ZNF83: variants seen among roughly 807,000 people sequenced by gnomAD.
ZNF83 encodes the protein zinc finger protein 83, also known as zinc finger protein 816B.
For missense variants in ZNF83, 552 were observed against 629.9 expected (o/e 0.88, Z 1.32); for synonymous variants, 209 against 213.0 (o/e 0.98, Z 0.17).
At chr19:52,617,682 G>A (rs377085974) in intron 2 of ZNF83, 28 of 140,580 alleles carry the variant, frequency 2.0e-4, no homozygotes, top group African/African-American at 6.9e-4. Flanking sequence ...AGTGAACCGA[G>A]ATCGTGTCAC....
chr19:52,629,593 G>A (rs1317963773), intron 2 of ZNF83, among the ~76,000 whole-genome samples: 3 of 152,078 alleles, frequency 2.0e-5, no homozygotes, highest in African/African-American at 7.2e-5. Flanking sequence ...CACCTGCCCA[G>A]CAATTTACTC....
intron 1 of ZNF83, among the ~76,000 whole-genome samples, chr19:52,689,887 C>CG (rs1379858947): frequency 6.6e-6 from 1 of 152,218 alleles, no homozygotes; most frequent in Non-Finnish European, 1.5e-5. Flanking sequence ...GGACAGGCCC[C>CG]GGGCACCTCC....
chr19:52,687,597 ATGTATATATATATAATG>A (rs2062058675), intron 1 of ZNF83, among the ~76,000 whole-genome samples: 1 of 14,974 alleles, frequency 6.7e-5, no homozygotes, highest in South Asian at 1.4e-3. Context: ...TATATATATA[ATGTATATATATATAATG>A]TGTATATATA....
chr19:52,680,720 C>T (rs1348297648), intron 1 of ZNF83, among the ~76,000 whole-genome samples: 1 of 139,666 alleles, frequency 7.2e-6, no homozygotes, highest in South Asian at 2.2e-4. Flanking sequence ...TCACGCCATT[C>T]TCCTGCCTCA....
chr19:52,659,656 GA>G (rs1187960358), intron 2 of ZNF83, among the ~76,000 whole-genome samples: 1 of 149,056 alleles, frequency 6.7e-6, no homozygotes, highest in Non-Finnish European at 1.5e-5. Flanking sequence ...AAGTGAGTGA[GA>G]AGAAGAAAGG....
chr19:52,636,335 T>A (rs1274741009), intron 1 of ZNF83: 1 of 144,920 alleles, frequency 6.9e-6, no homozygotes, highest in Non-Finnish European at 1.5e-5. Context: ...TTAATTAAGT[T>A]AAAAATTATG....
rs371233696 is a variant in ZNF83, at chr19:52,681,511, C to T, written c.-283+8932G>A. On this transcript the variant is annotated intron_variant, in intron 1 of 5. Coordinates refer to the ZNF83 transcript ENST00000594682. ...AACATTTTTGAATGCTTCCCATGTG[C>T]TATACACTGTTCTAAGTGCTTCCCA... Among the ~76,000 whole-genome samples the T allele has an allele frequency of 5.9e-5, 9 of 152,130 alleles. No homozygotes were observed. In the East Asian group the frequency reaches 9.7e-4, roughly 16 times the overall value.
chr19:52,685,811 T>C (rs1209885362), intron 1 of ZNF83, among the ~76,000 whole-genome samples: 1 of 149,058 alleles, frequency 6.7e-6, no homozygotes, highest in Non-Finnish European at 1.5e-5. Flanking sequence ...AGCAGGAGAA[T>C]CACTTAAATC....
intron 1 of ZNF83, among the ~76,000 whole-genome samples, chr19:52,667,831 G>T (rs1228114052): frequency 1.3e-5 from 2 of 152,070 alleles, no homozygotes; most frequent in Non-Finnish European, 2.9e-5. Flanking sequence ...TGTCTACAAG[G>T]TTTTATTAAA....
At chr19:52,685,188 G>A (rs1244275200) in intron 1 of ZNF83, among the ~76,000 whole-genome samples, 1 of 152,114 alleles carries the variant, frequency 6.6e-6, no homozygotes, top group Non-Finnish European at 1.5e-5. Flanking sequence ...TCATTTCAGG[G>A]GCCAGGGTCA....
At chr19:52,668,351 C>T (rs1167798568) in intron 1 of ZNF83, among the ~76,000 whole-genome samples, 2 of 152,154 alleles carry the variant, frequency 1.3e-5, no homozygotes, top group African/African-American at 4.8e-5. Context: ...CTGGATCAAG[C>T]CCTACCAAAT....
intron 3 of ZNF83, chr19:52,655,411 A>G: frequency 5.2e-6 from 4 of 765,376 alleles, no homozygotes; most frequent in Non-Finnish European, 8.5e-6. Context: ...GAAGCTGTCT[A>G]TGACAGACAG....
upstream of ZNF83, chr19:52,638,417 G>GCCCGCGAGGTGGGCGGGA (rs2061230653): frequency 6.6e-6 from 1 of 152,016 alleles, no homozygotes; most frequent in African/African-American, 2.4e-5. Context: ...GGTGGGCGGG[G>GCCCGCGAGGTGGGCGGGA]CCTGGATGAG....
intron 1 of ZNF83, among the ~76,000 whole-genome samples, chr19:52,671,229 A>T (rs2061720619): frequency 6.6e-6 from 1 of 152,178 alleles, no homozygotes; most frequent in African/African-American, 2.4e-5. Flanking sequence ...GACTCTTTAC[A>T]TAGGAATTTG....
At chr19:52,651,059 T>G (rs1353011520) in intron 3 of ZNF83, 1 of 152,238 alleles carries the variant, frequency 6.6e-6, no homozygotes, top group African/African-American at 2.4e-5. Context: ...GAACTGTGCA[T>G]GTCTCCCTAT....
chr19:52,687,800 G>C (rs1051351646), intron 1 of ZNF83, among the ~76,000 whole-genome samples: 2 of 148,584 alleles, frequency 1.3e-5, no homozygotes, highest in East Asian at 2.0e-4. Flanking sequence ...ACTCCAGCCC[G>C]AGTGATACAG....
chr19:52,647,492 C>T (rs2061387424), intron 3 of ZNF83, among the ~76,000 whole-genome samples: 1 of 151,974 alleles, frequency 6.6e-6, no homozygotes, highest in South Asian at 2.1e-4. Context: ...ATGTTACCCA[C>T]ACTGGTCTCA....
chr19:52,661,411 A>T (rs569458390), intron 1 of ZNF83, among the ~76,000 whole-genome samples: 79 of 152,198 alleles, frequency 5.2e-4, no homozygotes, highest in African/African-American at 4.8e-4. Context: ...GGCCCTAACC[A>T]AACCCCATGC....
At position 52,635,125 on chromosome 19, in the gene ZNF83, C is replaced by G. The variant is rs747067469; in HGVS notation, c.-293G>C. On this transcript the variant is annotated 5_prime_UTR_variant, in exon 2 of 3. An upstream start codon of the reference 5' UTR is lost. Coordinates refer to ENST00000301096, the Ensembl canonical transcript of ZNF83. ...CTCTTCCCCTTCCGGGTTTCTTCCT[C>G]ATGTACCAAGAGTCCTTAGAAGTCA... 6.1e-5 allele frequency: 42 copies of G among 685,012 alleles called. No individual in the cohort carries two copies. The Middle Eastern group carries it at 7.6e-4, about 12-fold the overall frequency. 42.4% of individuals were successfully genotyped at this position (685,012 alleles called of 1,614,324 possible).
Sources: gnomAD v4.1 joint callset for allele counts (sites outside exome capture counted in the v4.1 genomes callset) on GRCh38, gnomAD v4.1.1 for gene constraint, MANE v1.5 for transcripts, NCBI Gene and HGNC (gene_info 2026-07-23, HGNC 2026-07-21) for gene names.